ALG9: variants seen among roughly 807,000 people sequenced by gnomAD.
The protein encoded by ALG9 is alpha-1,2-mannosyltransferase ALG9.
A neutral mutation model predicts 81.8 loss-of-function variants in ALG9; 55 were observed. The observed-to-expected ratio is 0.67, with a 90% CI of 0.54 to 0.84. The LOEUF is 0.84. Ranked by LOEUF, ALG9 falls within the 40% of genes least tolerant of loss-of-function variation. The pLI, the probability that ALG9 is intolerant of heterozygous loss-of-function variation, is 0.00. For missense variants in ALG9, 629 were observed against 745.0 expected, an observed-to-expected ratio of 0.84 and a Z score of 1.81; for synonymous variants, 278 against 274.3, an observed-to-expected ratio of 1.01 and a Z score of -0.13.
chr11:111,850,413 A>G (rs1239119658), intron 8 of ALG9, among the ~76,000 whole-genome samples: 43 of 152,074 alleles, frequency 2.8e-4, no homozygotes, highest in Admixed American at 2.8e-3. Flanking sequence ...ACTCTCAAAG[A>G]ATGGAAATCA....
downstream of ALG9, among the ~76,000 whole-genome samples, chr11:111,780,236 G>A (rs1305554560): frequency 6.6e-6 from 1 of 152,028 alleles, no homozygotes; most frequent in Non-Finnish European, 1.5e-5. Context: ...TTCAATAAAG[G>A]TACCCTTTCT....
chr11:111,769,141 TA>T, the ALG9 span: 186 of 117,140 alleles, frequency 1.6e-3, 2 homozygotes, highest in South Asian at 4.1e-3. Context: ...ACCCCATCTC[TA>T]AAAAAAAAAA....
At chr11:111,854,263 A>ATTTT (rs34277511) in intron 6 of ALG9, among the ~76,000 whole-genome samples, 1 of 83,224 alleles carries the variant, frequency 1.2e-5, no homozygotes, top group Non-Finnish European at 2.1e-5. Context: ...GCCCTGGCTA[A>ATTTT]TTTTTTTTTT....
intron 14 of ALG9, among the ~76,000 whole-genome samples, chr11:111,791,803 C>G (rs1241439311): frequency 6.6e-6 from 1 of 152,232 alleles, no homozygotes; most frequent in African/African-American, 2.4e-5. Flanking sequence ...TAAAAGTTAC[C>G]TCCTTTGGCC....
intron 5 of ALG9, 185 bp from the exon 6 acceptor site, chr11:111,857,922 A>G (rs1157705815): frequency 4.4e-6 from 3 of 678,386 alleles, no homozygotes; most frequent in African/African-American, 3.6e-5. Flanking sequence ...ATGAAGTTCA[A>G]TGACTCTTAT....
intron 8 of ALG9, chr11:111,845,437 G>A (rs1160560599): frequency 6.6e-6 from 1 of 152,214 alleles, no homozygotes; most frequent in Non-Finnish European, 1.5e-5. Context: ...GCGTACATTG[G>A]GCAACATGTG....
chr11:111,822,995 G>A (rs1262872772), intron 13 of ALG9, among the ~76,000 whole-genome samples: 3 of 152,210 alleles, frequency 2.0e-5, no homozygotes, highest in Non-Finnish European at 4.4e-5. Context: ...TTGCCCTCCA[G>A]CCTGGGCAAC....
intron 14 of ALG9, among the ~76,000 whole-genome samples, chr11:111,793,167 C>T (rs1454346764): frequency 1.3e-5 from 2 of 151,912 alleles, no homozygotes; most frequent in African/African-American, 2.4e-5. Flanking sequence ...CTTTTTGCAG[C>T]GACGGGGTCA....
rs782264822 is a variant in ALG9 at position 111,836,353 on chromosome 11, T to G, written c.1473-59A>C. The G allele has an allele frequency of 4.4e-6, 7 of 1,602,902 alleles. No homozygotes were observed. In the South Asian group the frequency reaches 5.5e-5, roughly 13 times the overall value. On this transcript the variant is annotated intron_variant, in intron 12 of 14. Transcript: ENST00000616540. ...AGGGGGATAATATTGCTAAATGTAC[T>G]TGAAACAAACAAGCCAGGAAAATCA...
At chr11:111,798,287 T>A (rs373802171) in intron 14 of ALG9, 1 of 214,194 alleles carries the variant, frequency 4.7e-6, no homozygotes, top group African/African-American at 2.3e-5. Context: ...AAGGGACATA[T>A]AATGAAGGAG....
At chr11:111,799,331 G>C (rs1055353873) in intron 14 of ALG9, among the ~76,000 whole-genome samples, 8 of 152,028 alleles carry the variant, frequency 5.3e-5, no homozygotes, top group Admixed American at 3.3e-4. Context: ...ATTTTTAGTA[G>C]AGATGGGGTT....
At chr11:111,775,949 C>T in the ALG9 span, among the ~76,000 whole-genome samples, 1 of 152,236 alleles carries the variant, frequency 6.6e-6, no homozygotes, top group East Asian at 1.9e-4. Flanking sequence ...TTGGGCAAGA[C>T]ACTTAATAAT....
At chr11:111,830,392 T>C (rs191267085) in intron 13 of ALG9, among the ~76,000 whole-genome samples, 2 of 152,350 alleles carry the variant, frequency 1.3e-5, no homozygotes, top group Non-Finnish European at 2.9e-5. Flanking sequence ...TATTTGTTGA[T>C]TGAATCTTTA....
chr11:111,854,473 G>A (rs1326225630), intron 6 of ALG9, among the ~76,000 whole-genome samples: 3 of 152,032 alleles, frequency 2.0e-5, no homozygotes, highest in Admixed American at 6.5e-5. Flanking sequence ...GTTTCACCAT[G>A]TTGGCCAGGC....
intron 13 of ALG9, among the ~76,000 whole-genome samples, chr11:111,818,395 C>T (rs1403831635): frequency 6.6e-6 from 1 of 152,136 alleles, no homozygotes; most frequent in African/African-American, 2.4e-5. Flanking sequence ...TGTGGGACCA[C>T]CATCAAACAT....
Position 111,871,365 on chromosome 11 carries a change from C to T in ALG9, c.118G>A (p.Glu40Lys). The T allele has an allele frequency of 2.0e-6, 3 of 1,531,152 alleles. No homozygotes were observed. The highest frequency in any genetic ancestry group is 2.6e-6 in the Non-Finnish European group (3 of 1,144,844). The allele number at this position is 1,531,152 out of a possible 1,614,324, so 94.8% of individuals were successfully genotyped here. Residue 40 changes from glutamate to lysine, a missense_variant, in exon 1 of 15, where the codon GAG becomes AAG. Physicochemically the swap from Glu to Lys is moderately conservative, Grantham distance 56 (BLOSUM62 1). Transcript: ENST00000616540. The stretch of plus-strand genomic sequence containing the variant: ...CCGCACACGTACTCGGTCCGGTGCT[C>T]CGCGCCGCCCGCCTCTCGGCTGCCC... ...LLGSREAGGA[E>K]HRTELSGNKA... is the part of the protein sequence containing the mutation.
At chr11:111,851,528 C>T (rs1404788009) in intron 8 of ALG9, among the ~76,000 whole-genome samples, 3 of 145,550 alleles carry the variant, frequency 2.1e-5, no homozygotes, top group Non-Finnish European at 4.5e-5. Context: ...CAGAGGGATA[C>T]AAAAAAATCT....
At chr11:111,850,706 C>CTAAAAAAA (rs1957646564) in intron 8 of ALG9, among the ~76,000 whole-genome samples, 1 of 66,718 alleles carries the variant, frequency 1.5e-5, no homozygotes, top group Non-Finnish European at 2.4e-5. Flanking sequence ...GATACTGTCT[C>CTAAAAAAA]AAAAAAAAAA....
chr11:111,852,962 T>A (rs1052464317), intron 8 of ALG9, among the ~76,000 whole-genome samples: 1 of 149,156 alleles, frequency 6.7e-6, no homozygotes, highest in South Asian at 2.1e-4. Flanking sequence ...AAAAAAAATG[T>A]CTGGGGTATA....
Sources: allele counts gnomAD v4.1 joint callset (sites outside exome capture counted in the v4.1 genomes callset), GRCh38; gene constraint gnomAD v4.1.1; transcripts MANE v1.5; gene names NCBI Gene and HGNC (gene_info 2026-07-23, HGNC 2026-07-21).